TDRD9: variants seen among roughly 807,000 people sequenced by gnomAD.
TDRD9 encodes tudor domain containing 9.
A neutral mutation model predicts 172.6 loss-of-function variants in TDRD9; 124 were observed. The observed-to-expected ratio is 0.72, with a 90% CI of 0.62 to 0.83. The LOEUF is 0.83. Ranked by LOEUF, TDRD9 falls within the 40% of genes least tolerant of loss-of-function variation. The probability of loss-of-function intolerance (pLI) is 0.00; values close to 1 mark genes in which losing one functional copy is unlikely to be tolerated. For synonymous variants in TDRD9, 619 were observed against 617.1 expected (o/e 1.00, Z -0.05); for missense variants, 1,479 against 1,714.1 (o/e 0.86, Z 2.42).
intron 20 of TDRD9, among the ~76,000 whole-genome samples, chr14:104,011,061 C>T (rs927331424): frequency 6.6e-6 from 1 of 152,172 alleles, no homozygotes; most frequent in Admixed American, 6.5e-5. Context: ...ACAGCTATGA[C>T]GTGACCAGGC....
chr14:103,967,282 C>G (rs2032789419), intron 5 of TDRD9, among the ~76,000 whole-genome samples: 1 of 131,686 alleles, frequency 7.6e-6, no homozygotes, highest in South Asian at 2.4e-4. Flanking sequence ...GTGGGTGGAT[C>G]ACTTGAGGTC....
intron 32 of TDRD9, 69 bp downstream of exon 32, chr14:104,035,125 T>C (rs1253551273): frequency 1.6e-6 from 2 of 1,241,558 alleles, no homozygotes; most frequent in Non-Finnish European, 2.3e-6. Flanking sequence ...CGGGTGCCTC[T>C]CCTTGCTCCT....
intron 1 of TDRD9, among the ~76,000 whole-genome samples, chr14:103,945,936 A>G (rs2031532376): frequency 6.6e-6 from 1 of 150,874 alleles, no homozygotes; most frequent in Non-Finnish European, 1.5e-5. Context: ...TCAAAGAAGG[A>G]TTTTTCATTG....
chr14:104,025,045 G>A (rs552043420), intron 25 of TDRD9, among the ~76,000 whole-genome samples: 4 of 152,292 alleles, frequency 2.6e-5, no homozygotes, highest in African/African-American at 7.2e-5. Context: ...GCAGTGGCAC[G>A]ATCTCTGTTC....
At chr14:103,935,608 A>G (rs1240423455) in intron 1 of TDRD9, among the ~76,000 whole-genome samples, 2 of 152,160 alleles carry the variant, frequency 1.3e-5, no homozygotes, top group Non-Finnish European at 2.9e-5. Context: ...TGGGAAGTTT[A>G]ACTTCGAGAA....
chr14:104,021,624 C>T (rs111515796), intron 23 of TDRD9, among the ~76,000 whole-genome samples: 4 of 152,112 alleles, frequency 2.6e-5, no homozygotes, highest in Admixed American at 6.5e-5. Context: ...ATCTGGGAGG[C>T]GGAGGTTGCA....
rs769349870 is a variant in TDRD9, at chr14:104,025,518, A to G, written c.2719-46A>G. On this transcript the variant is annotated intron_variant, in intron 25 of 35. Coordinates refer to ENST00000409874, the MANE Select transcript of TDRD9 (RefSeq NM_153046.3). ...ATTCAAGCTCATTTTCCTCCTTACA[A>G]AAGTCCTTTCTAGATTTCATCTCTT... The G allele has an allele frequency of 4.6e-6, 7 of 1,537,714 alleles. No individual in the cohort carries two copies. In the Admixed American group the frequency reaches 1.2e-4, roughly 27 times the overall value.
chr14:103,984,421 G>A (rs2033590175), intron 7 of TDRD9, among the ~76,000 whole-genome samples: 1 of 152,210 alleles, frequency 6.6e-6, no homozygotes, highest in African/African-American at 2.4e-5. Flanking sequence ...GGTGCCCTGT[G>A]TCCCAGCCGC....
intron 1 of TDRD9, among the ~76,000 whole-genome samples, chr14:103,952,999 T>C (rs2368986): frequency 0.94 from 143,568 of 152,050 alleles, 68,329 homozygotes; most frequent in East Asian, 1. Context: ...CTCGACCTCC[T>C]AAAGTGCTAG....
At chr14:103,955,330 T>C (rs2152131504) in intron 1 of TDRD9, among the ~76,000 whole-genome samples, 1 of 152,230 alleles carries the variant, frequency 6.6e-6, no homozygotes, top group South Asian at 2.1e-4. Context: ...CACAGCACTG[T>C]ACTCTAGCCT....
At chr14:103,966,983 T>C (rs2032779171) in intron 5 of TDRD9, among the ~76,000 whole-genome samples, 152 bp downstream of exon 5, 1 of 152,196 alleles carries the variant, frequency 6.6e-6, no homozygotes, top group South Asian at 2.1e-4. Flanking sequence ...GGATGGAATG[T>C]TTTTTGATTT....
intron 3 of TDRD9, among the ~76,000 whole-genome samples, chr14:103,964,272 TAA>T (rs2032638809): frequency 6.6e-6 from 1 of 152,186 alleles, no homozygotes; most frequent in African/African-American, 2.4e-5. Flanking sequence ...ATTTAATAGA[TAA>T]AAATATGTCT....
chr14:103,957,070 C>A (rs1047291029), intron 2 of TDRD9, among the ~76,000 whole-genome samples: 4 of 152,150 alleles, frequency 2.6e-5, no homozygotes, highest in African/African-American at 9.7e-5. Flanking sequence ...GTAGATTAAT[C>A]CTTATCATTC....
intron 1 of TDRD9, among the ~76,000 whole-genome samples, chr14:103,954,361 C>T (rs1434149830): frequency 6.6e-6 from 1 of 152,192 alleles, no homozygotes; most frequent in East Asian, 1.9e-4. Context: ...CTCTAATCAG[C>T]ATCTTACGTA....
Position 103,938,434 on chromosome 14 carries a change from A to ATTTTTTTT in TDRD9, c.215+9711_215+9712insTTTTTTTT, listed in dbSNP as rs1167863822. Among the ~76,000 whole-genome samples the ATTTTTTTT allele has an allele frequency of 2.7e-3, 95 of 34,862 alleles. 3 individuals carry two copies. Among genetic ancestry groups the ATTTTTTTT allele is most frequent in the Admixed American group, 5.8e-3 (11 of 1,894 alleles). The allele number at this position is 34,862 out of a possible 152,430, so 22.9% of individuals were successfully genotyped here. A position where few individuals can be genotyped will look rare whatever the true frequency, so the allele number is the denominator to read the frequency against. ...TGTGTGTATATATATATATATATAT[A>ATTTTTTTT]TATATATTTTTTTTTTTTTTTTGAG... is the stretch of plus-strand genomic sequence containing the variant. On this transcript the variant is annotated intron_variant, in intron 1 of 35. Transcript: ENST00000409874.
rs1295637820 is a variant in TDRD9, at chr14:103,997,444, G to A, written c.1379-1180G>A. 2.0e-5 allele frequency among the ~76,000 whole-genome samples: 3 copies of A among 152,218 alleles called. No individual in the cohort carries two copies. Among genetic ancestry groups the A allele is most frequent in the Non-Finnish European group, 2.9e-5 (2 of 68,042 alleles). The stretch of plus-strand genomic sequence containing the variant: ...GGGAGGATGGAGGCTCCTGCGAGAT[G>A]GTGAAGGCTGTGGAAGGAGCAGGGT... On this transcript the variant is annotated intron_variant, in intron 12 of 35. Coordinates refer to ENST00000409874, the MANE Select transcript of TDRD9 (RefSeq NM_153046.3). The surrounding 1 kb of genome is among the most constrained non-coding windows in gnomAD (Gnocchi z 5.1).
intron 28 of TDRD9, among the ~76,000 whole-genome samples, chr14:104,030,500 C>T (rs932185405): frequency 6.6e-6 from 1 of 152,100 alleles, no homozygotes; most frequent in Admixed American, 6.5e-5. Context: ...TCAAAGCAAA[C>T]GAACAAACAA....
At chr14:104,006,883 C>G in intron 18 of TDRD9, 38 bp downstream of exon 18, 1 of 1,544,502 alleles carries the variant, frequency 6.5e-7, no homozygotes, top group Non-Finnish European at 8.9e-7. Flanking sequence ...AAGCAGCTAC[C>G]ACAGATTGTT....
At chr14:103,999,633 T>G (rs2034183139) in intron 13 of TDRD9, among the ~76,000 whole-genome samples, 1 of 143,192 alleles carries the variant, frequency 7.0e-6, no homozygotes, top group Non-Finnish European at 1.5e-5. Context: ...TTTTTTTGTT[T>G]GTTTTTTAGA....
Sources: gnomAD v4.1 joint callset for allele counts (sites outside exome capture counted in the v4.1 genomes callset) on GRCh38, gnomAD v4.1.1 for gene constraint, Gnocchi (gnomAD v3.1) non-coding constraint, MANE v1.5 for transcripts, NCBI Gene and HGNC (gene_info 2026-07-23, HGNC 2026-07-21) for gene names.